PCDH9: variants seen among roughly 807,000 people sequenced by gnomAD.
PCDH9 encodes the protein protocadherin-9.
A neutral mutation model predicts 70.6 loss-of-function variants in PCDH9; 24 were observed. The observed-to-expected ratio is 0.34, with a 90% CI of 0.25 to 0.48. PCDH9 has a LOEUF of 0.48. Among genes scored for constraint, PCDH9 ranks in the 20% least tolerant of loss-of-function variants. The pLI is 0.99. For synonymous variants in PCDH9, 562 were observed against 558.5 expected (o/e 1.01, Z -0.09); for missense variants, 1,281 against 1,503.6 (o/e 0.85, Z 2.45).
chr13:66,627,712 C>T (rs1228984386), intron 4 of PCDH9, among the ~76,000 whole-genome samples: 2 of 152,164 alleles, frequency 1.3e-5, no homozygotes, highest in African/African-American at 2.4e-5. Flanking sequence ...TTGTGAGTGA[C>T]GTCACTGTGC....
chr13:67,140,868 CTG>C (rs1303582470), intron 2 of PCDH9, among the ~76,000 whole-genome samples: 1 of 152,202 alleles, frequency 6.6e-6, no homozygotes, highest in Non-Finnish European at 1.5e-5. Flanking sequence ...AAAGTGAACA[CTG>C]TGTGTCTGCA....
At chr13:66,980,290 T>C (rs544905962) in intron 2 of PCDH9, among the ~76,000 whole-genome samples, 1 of 152,166 alleles carries the variant, frequency 6.6e-6, no homozygotes, top group African/African-American at 2.4e-5. Context: ...AGAGATGATC[T>C]TCATCACACA....
At chr13:66,310,160 G>T (rs1566232355) in intron 4 of PCDH9, among the ~76,000 whole-genome samples, 2 of 151,886 alleles carry the variant, frequency 1.3e-5, no homozygotes, top group Non-Finnish European at 2.9e-5. Context: ...ATAACACCGT[G>T]CAAGCCATCT....
intron 4 of PCDH9, among the ~76,000 whole-genome samples, chr13:66,558,986 C>T (rs953301967): frequency 4.6e-5 from 7 of 152,146 alleles, no homozygotes; most frequent in Admixed American, 3.3e-4. Flanking sequence ...GCAGAGCTGA[C>T]ATGCACAGAG....
At chr13:66,710,485 C>A (rs985663119) in intron 3 of PCDH9, among the ~76,000 whole-genome samples, 1 of 152,224 alleles carries the variant, frequency 6.6e-6, no homozygotes, top group East Asian at 1.9e-4. Flanking sequence ...CTTTATATCC[C>A]TCTTGAAACA....
intron 3 of PCDH9, among the ~76,000 whole-genome samples, chr13:66,830,262 CAT>C (rs1395539705): frequency 6.6e-6 from 1 of 152,078 alleles, no homozygotes; most frequent in Non-Finnish European, 1.5e-5. Flanking sequence ...GGCTCACACC[CAT>C]ATGACTGTTC....
At chr13:66,384,648 T>C (rs1052685903) in intron 4 of PCDH9, among the ~76,000 whole-genome samples, 2 of 152,138 alleles carry the variant, frequency 1.3e-5, no homozygotes, top group African/African-American at 4.8e-5. Context: ...CCTACATATC[T>C]GCCATTTTAA....
chr13:66,893,736 A>C (rs1346590306), intron 3 of PCDH9, among the ~76,000 whole-genome samples: 1 of 152,152 alleles, frequency 6.6e-6, no homozygotes, highest in Non-Finnish European at 1.5e-5. Context: ...TAACTATGCT[A>C]TATGAGATGC....
intron 3 of PCDH9, among the ~76,000 whole-genome samples, chr13:66,773,830 G>A (rs1038135316): frequency 6.6e-6 from 1 of 150,660 alleles, no homozygotes; most frequent in Admixed American, 6.6e-5. Flanking sequence ...CCAGGCTGGA[G>A]TGCAGTGGGT....
intron 4 of PCDH9, among the ~76,000 whole-genome samples, chr13:66,570,035 G>A (rs1375135934): frequency 6.6e-6 from 1 of 152,060 alleles, no homozygotes; most frequent in Non-Finnish European, 1.5e-5. Flanking sequence ...ACAAGTGAAT[G>A]ACTCAAAGAA....
intron 2 of PCDH9, among the ~76,000 whole-genome samples, chr13:67,132,698 TA>T (rs66901806): frequency 0.3 from 46,130 of 151,554 alleles, 7,181 homozygotes; most frequent in Admixed American, 0.37. Context: ...AACATAGCAT[TA>T]AAAAAAATAA....
chr13:67,072,025 G>C (rs370891279), intron 2 of PCDH9, among the ~76,000 whole-genome samples: 278 of 151,970 alleles, frequency 1.8e-3, no homozygotes, highest in Middle Eastern at 0.017. Flanking sequence ...GAAAGCTGTA[G>C]AGTTTTGCAT....
intron 3 of PCDH9, among the ~76,000 whole-genome samples, chr13:66,727,461 TAAA>T (rs2079020346): frequency 6.6e-6 from 1 of 151,980 alleles, no homozygotes; most frequent in African/African-American, 2.4e-5. Flanking sequence ...AATAAAATGA[TAAA>T]GAAGAGATTT....
At chr13:67,038,182 G>A (rs2085045729) in intron 2 of PCDH9, among the ~76,000 whole-genome samples, 1 of 152,142 alleles carries the variant, frequency 6.6e-6, no homozygotes, top group African/African-American at 2.4e-5. Context: ...TTCGACTAGA[G>A]ACAGAAATCA....
At chr13:66,932,889 C>A (rs2082840285) in intron 2 of PCDH9, among the ~76,000 whole-genome samples, 1 of 150,566 alleles carries the variant, frequency 6.6e-6, no homozygotes, top group Non-Finnish European at 1.5e-5. Context: ...TACAAAGTAG[C>A]CAGTTGTTTA....
chr13:67,160,185 A>G (rs1460033912), intron 2 of PCDH9, among the ~76,000 whole-genome samples: 1 of 152,124 alleles, frequency 6.6e-6, no homozygotes. Context: ...AACAGCAAAT[A>G]CTCCAAAAGT....
chr13:66,767,654 T>C (rs1566180660), intron 3 of PCDH9, among the ~76,000 whole-genome samples: 1 of 152,084 alleles, frequency 6.6e-6, no homozygotes, highest in Non-Finnish European at 1.5e-5. Context: ...GTAACTTTTT[T>C]CTAACAATAC....
At chr13:66,635,712 G>T (rs4141952) in intron 3 of PCDH9, among the ~76,000 whole-genome samples, 148,821 of 152,206 alleles carry the variant, frequency 0.98, 72,851 homozygotes, top group East Asian at 1. Flanking sequence ...TGCTTGAATG[G>T]TTCTCTTATG....
At chr13:66,448,539 T>C (rs1484602559) in intron 4 of PCDH9, among the ~76,000 whole-genome samples, 5 of 152,212 alleles carry the variant, frequency 3.3e-5, no homozygotes, top group African/African-American at 1.2e-4. Context: ...AATCTTAGTG[T>C]AAACGGAAAT....
Sources: gnomAD v4.1 joint callset for allele counts (sites outside exome capture counted in the v4.1 genomes callset) on GRCh38, gnomAD v4.1.1 for gene constraint, MANE v1.5 for transcripts, NCBI Gene and HGNC (gene_info 2026-07-23, HGNC 2026-07-21) for gene names.